Variants in C1QTNF7 observed in about 807,000 individuals in gnomAD.
C1QTNF7 encodes the protein C1q and TNF related 7.
C1QTNF7 carries 15 observed loss-of-function variants against 19.6 expected under a neutral mutation model. The observed-to-expected ratio is 0.76, with a 90% CI of 0.51 to 1.18. The LOEUF is 1.18. Among genes scored for constraint, C1QTNF7 ranks in the 50% most tolerant of loss-of-function variants. The pLI is 0.00. For missense variants in C1QTNF7, 324 were observed against 359.7 expected (o/e 0.90, Z 0.80); for synonymous variants, 142 against 137.5 (o/e 1.03, Z -0.23).
chr4:15,442,424 T>A lies in C1QTNF7; in HGVS notation c.495T>A (p.Ile165=), dbSNP rs1457287781. The change falls in exon 3 of 3, where the codon ATT becomes ATA. Residue 165 remains isoleucine, a synonymous_variant. Transcript: ENST00000444304. Reference sequence around the variant, plus strand: ...GCTACCCAGAAGAAAGACTACCTATTATATTTAACAAGGTCCTCTTCAACG... The same window carrying A: ...GCTACCCAGAAGAAAGACTACCTATAATATTTAACAAGGTCCTCTTCAACG... ...TTSYPEERLP[I]IFNKVLFNEG... The A allele has an allele frequency of 6.2e-7, 1 of 1,614,186 alleles. No individual in the cohort carries two copies. Among genetic ancestry groups the A allele is most frequent in the South Asian group, 1.1e-5 (1 of 91,084 alleles).
In C1QTNF7 at chr4:15,399,558, T is replaced by C. The variant is rs573727786; in HGVS notation, c.14-36178T>C. Among the ~76,000 whole-genome samples, 87 of 152,352 alleles carry C rather than the reference T, an allele frequency of 5.7e-4. 2 individuals are homozygous for C. In the South Asian group the frequency reaches 0.017, roughly 29 times the overall value. On this transcript the variant is annotated intron_variant, in intron 1 of 2. Transcript: ENST00000295297. The stretch of plus-strand genomic sequence containing the variant: ...ATAATAATCATGTACGTAGTGTTTT[T>C]GCATGGAATAAATGTGATGACCCAT...
intron 1 of C1QTNF7, among the ~76,000 whole-genome samples, chr4:15,360,386 C>T (rs1195837034): frequency 6.6e-6 from 1 of 152,144 alleles, no homozygotes; most frequent in Non-Finnish European, 1.5e-5. Flanking sequence ...CATTACATAA[C>T]CTTGTTTTAC....
At chr4:15,417,576 A>G (rs911657127) in intron 1 of C1QTNF7, among the ~76,000 whole-genome samples, 5 of 152,224 alleles carry the variant, frequency 3.3e-5, no homozygotes, top group African/African-American at 1.2e-4. Context: ...CAAGAGTTCA[A>G]GAACAGTCTG....
chr4:15,350,078 A>G (rs1329570932), intron 1 of C1QTNF7, among the ~76,000 whole-genome samples: 54 of 93,264 alleles, frequency 5.8e-4, no homozygotes, highest in Middle Eastern at 6.9e-3. Context: ...AGGAAGGGAG[A>G]GAGGAAGGGA....
intron 1 of C1QTNF7, among the ~76,000 whole-genome samples, chr4:15,384,294 C>T (rs1718252538): frequency 6.6e-6 from 1 of 152,176 alleles, no homozygotes; most frequent in African/African-American, 2.4e-5. Flanking sequence ...TCACTTCTGT[C>T]CTCCTTGACA....
rs555202141 is a variant in C1QTNF7 at position 15,352,077 on chromosome 4, G to C, written c.13+11870G>C. On this transcript the variant is annotated intron_variant, in intron 1 of 2. Coordinates refer to the C1QTNF7 transcript ENST00000295297. ...TTTTGGAGAATGATGAGAATATTTT[G>C]CCTCTACCCAGTAGATTTCATCTTG... Among the ~76,000 whole-genome samples the C allele has an allele frequency of 2.0e-5, 3 of 152,242 alleles. No homozygotes were observed. The South Asian group carries it at 6.2e-4, about 32-fold the overall frequency.
At chr4:15,441,711 C>T (rs979050879) in intron 2 of C1QTNF7, among the ~76,000 whole-genome samples, 5 of 152,160 alleles carry the variant, frequency 3.3e-5, no homozygotes, top group African/African-American at 1.2e-4. Flanking sequence ...GTTGTTAGTG[C>T]ACCAGTGATG....
At chr4:15,426,292 T>C (rs183394782), upstream of C1QTNF7, among the ~76,000 whole-genome samples, 150 of 152,306 alleles carry the variant, frequency 9.8e-4, 1 homozygote, top group African/African-American at 3.5e-3. Flanking sequence ...TTTCTACCCA[T>C]CACTTCACCA....
At chr4:15,417,411 T>C (rs1413844257) in intron 1 of C1QTNF7, among the ~76,000 whole-genome samples, 1 of 152,254 alleles carries the variant, frequency 6.6e-6, no homozygotes, top group African/African-American at 2.4e-5. Flanking sequence ...AAATGACTCA[T>C]GAAACATGTG....
intron 1 of C1QTNF7, among the ~76,000 whole-genome samples, chr4:15,434,523 C>A (rs1000556692): frequency 1.3e-5 from 2 of 152,146 alleles, no homozygotes; most frequent in Admixed American, 1.3e-4. Context: ...ATATAGATTT[C>A]TTGTTAAAGC....
intron 1 of C1QTNF7, among the ~76,000 whole-genome samples, chr4:15,415,217 T>C (rs1312203576): frequency 6.6e-6 from 1 of 152,134 alleles, no homozygotes; most frequent in Non-Finnish European, 1.5e-5. Context: ...ACCAGGTGTT[T>C]AAGGTTGGCA....
At chr4:15,349,898 CTGTTGCTAGGG>C (rs1222760318) in intron 1 of C1QTNF7, among the ~76,000 whole-genome samples, 1 of 152,046 alleles carries the variant, frequency 6.6e-6, no homozygotes, top group Non-Finnish European at 1.5e-5. Flanking sequence ...ATAGTTGAAG[CTGTTGCTAGGG>C]TGTTGCTAAA....
intron 1 of C1QTNF7, among the ~76,000 whole-genome samples, chr4:15,370,781 T>A (rs1373855912): frequency 6.6e-6 from 1 of 152,316 alleles, no homozygotes; most frequent in African/African-American, 2.4e-5. Flanking sequence ...AATATTTTCG[T>A]AGGATTTTTT....
intron 1 of C1QTNF7, among the ~76,000 whole-genome samples, chr4:15,412,437 C>T (rs1260658055): frequency 6.6e-6 from 1 of 151,940 alleles, no homozygotes; most frequent in Non-Finnish European, 1.5e-5. Context: ...GGGCTTCTTC[C>T]TCCATCTTCA....
intron 1 of C1QTNF7, among the ~76,000 whole-genome samples, chr4:15,419,209 C>A (rs1990524): frequency 2.6e-5 from 4 of 151,962 alleles, no homozygotes; most frequent in Non-Finnish European, 5.9e-5. Context: ...AACATACAGA[C>A]CTTTTGATCC....
chr4:15,388,664 G>C (rs1328019853), intron 1 of C1QTNF7, among the ~76,000 whole-genome samples: 5 of 152,184 alleles, frequency 3.3e-5, no homozygotes, highest in Admixed American at 6.5e-5. Flanking sequence ...AAGAGGCTGT[G>C]GTGGAGAGGA....
intron 1 of C1QTNF7, among the ~76,000 whole-genome samples, chr4:15,413,104 C>A (rs555961732): frequency 1.3e-5 from 2 of 152,220 alleles, no homozygotes; most frequent in African/African-American, 4.8e-5. Context: ...ATAACCAACA[C>A]CAAATTTGAT....
chr4:15,410,901 G>A lies in C1QTNF7; in HGVS notation c.14-24835G>A, dbSNP rs570509611. Among the ~76,000 whole-genome samples the A allele has an allele frequency of 3.3e-5, 5 of 152,276 alleles. No individual in the cohort carries two copies. The South Asian group carries it at 1.0e-3, about 32-fold the overall frequency. On this transcript the variant is annotated intron_variant, in intron 1 of 2. Coordinates refer to the C1QTNF7 transcript ENST00000295297. ...TCAAAGGGCACCACTTTATTTGGCT[G>A]CTACAATATCAACATCAATTTCGAG...
chr4:15,352,089 T>C (rs763932680), intron 1 of C1QTNF7, among the ~76,000 whole-genome samples: 3 of 152,206 alleles, frequency 2.0e-5, no homozygotes, highest in Non-Finnish European at 4.4e-5. Context: ...CTCTACCCAG[T>C]AGATTTCATC....
Sources: gnomAD v4.1 joint callset for allele counts (sites outside exome capture counted in the v4.1 genomes callset) on GRCh38, gnomAD v4.1.1 for gene constraint, MANE v1.5 for transcripts, NCBI Gene and HGNC (gene_info 2026-07-23, HGNC 2026-07-21) for gene names.